Variants in ZBTB20 observed in about 807,000 individuals in gnomAD.
ZBTB20 encodes the protein zinc finger and BTB domain-containing protein 20.
Under a neutral mutation model 56.9 loss-of-function variants are expected in ZBTB20, and 9 were observed. The observed-to-expected ratio is 0.16, with a 90% CI of 0.10 to 0.28. ZBTB20 has a LOEUF of 0.28. Ranked by LOEUF, ZBTB20 falls within the 10% of genes least tolerant of loss-of-function variation. ZBTB20 has a pLI of 1.00. For missense variants in ZBTB20, 655 were observed against 1,003.0 expected, an observed-to-expected ratio of 0.65 and a Z score of 4.69; for synonymous variants, 417 against 420.7, an observed-to-expected ratio of 0.99 and a Z score of 0.11.
chr3:114,655,542 G>A (rs1314700015), intron 6 of ZBTB20, among the ~76,000 whole-genome samples: 1 of 152,102 alleles, frequency 6.6e-6, no homozygotes. Flanking sequence ...GTGAGCCACC[G>A]CGCCCGGCCT....
intron 2 of ZBTB20, among the ~76,000 whole-genome samples, chr3:115,009,859 C>T (rs2079624985): frequency 6.6e-6 from 1 of 151,934 alleles, no homozygotes; most frequent in African/African-American, 2.4e-5. Context: ...TAGGGCTTCA[C>T]AGCCTCGAGA....
intron 5 of ZBTB20, among the ~76,000 whole-genome samples, chr3:114,723,652 T>C (rs1351876618): frequency 1.3e-5 from 2 of 152,154 alleles, no homozygotes; most frequent in African/African-American, 4.8e-5. Context: ...ATTTTATATA[T>C]TCTTGAACTC....
At chr3:114,499,678 C>T (rs1045562502) in intron 7 of ZBTB20, among the ~76,000 whole-genome samples, 7 of 152,044 alleles carry the variant, frequency 4.6e-5, no homozygotes. Flanking sequence ...TTCAGTGCAG[C>T]CTGGTTTGAA....
chr3:114,618,208 A>ACAGAG (rs1193527652), intron 6 of ZBTB20, among the ~76,000 whole-genome samples: 2 of 149,854 alleles, frequency 1.3e-5, no homozygotes, highest in Non-Finnish European at 3.0e-5. Flanking sequence ...AATAACTGAC[A>ACAGAG]CAGAGTAGGG....
At chr3:114,881,537 T>C (rs996720722) in intron 4 of ZBTB20, among the ~76,000 whole-genome samples, 1 of 152,108 alleles carries the variant, frequency 6.6e-6, no homozygotes, top group Admixed American at 6.5e-5. Context: ...TATTCTATGA[T>C]GGTTTCACTG....
chr3:115,108,831 T>A (rs1372673067), intron 1 of ZBTB20, among the ~76,000 whole-genome samples: 1 of 152,062 alleles, frequency 6.6e-6, no homozygotes, highest in Non-Finnish European at 1.5e-5. Context: ...GAATGACTCA[T>A]ATCTATATAT....
intron 2 of ZBTB20, among the ~76,000 whole-genome samples, chr3:115,048,482 A>G (rs1296254447): frequency 6.6e-6 from 1 of 152,170 alleles, no homozygotes; most frequent in African/African-American, 2.4e-5. Flanking sequence ...TATAATTTAT[A>G]CTGATAAATC....
intron 4 of ZBTB20, among the ~76,000 whole-genome samples, chr3:114,856,915 T>C (rs2075279499): frequency 6.6e-6 from 1 of 152,164 alleles, no homozygotes; most frequent in South Asian, 2.1e-4. Flanking sequence ...GTAGATTTAA[T>C]AGAAGAGGAG....
intron 3 of ZBTB20, among the ~76,000 whole-genome samples, chr3:114,940,824 A>G (rs2076698417): frequency 6.9e-6 from 1 of 145,962 alleles, no homozygotes; most frequent in Admixed American, 6.6e-5. Flanking sequence ...AAAGGAGCCT[A>G]TTGCTCCTCT....
chr3:114,803,812 C>T (rs980648898), intron 4 of ZBTB20, among the ~76,000 whole-genome samples: 19 of 129,770 alleles, frequency 1.5e-4, no homozygotes, highest in African/African-American at 4.9e-4. Context: ...AAATTCACTA[C>T]TGTACACTGA....
intron 5 of ZBTB20, among the ~76,000 whole-genome samples, chr3:114,787,360 T>TAC (rs1354282995): frequency 7.3e-5 from 7 of 96,184 alleles, no homozygotes; most frequent in East Asian, 2.4e-4. Context: ...TATATATATA[T>TAC]ATATATATAC....
intron 7 of ZBTB20, among the ~76,000 whole-genome samples, chr3:114,454,175 G>GA (rs2091839032): frequency 8.6e-6 from 1 of 116,676 alleles, no homozygotes; most frequent in Non-Finnish European, 1.6e-5. Context: ...AAAAGAGAAG[G>GA]GAGAGAGAGA....
intron 11 of ZBTB20, among the ~76,000 whole-genome samples, chr3:114,345,386 G>C (rs2080108553): frequency 6.6e-6 from 1 of 152,132 alleles, no homozygotes. Context: ...CTAAATACCA[G>C]AAGGGATACA....
At chr3:114,814,615 ATTAAC>A (rs1219446444) in intron 4 of ZBTB20, among the ~76,000 whole-genome samples, 1 of 152,360 alleles carries the variant, frequency 6.6e-6, no homozygotes, top group Admixed American at 6.5e-5. Flanking sequence ...AGAGCTCAGT[ATTAAC>A]TTAAAGCTTA....
At chr3:114,720,214 AAAGTAC>A (rs1425805165) in intron 5 of ZBTB20, among the ~76,000 whole-genome samples, 1 of 149,490 alleles carries the variant, frequency 6.7e-6, no homozygotes, top group African/African-American at 2.4e-5. Flanking sequence ...GCTTATTGGA[AAAGTAC>A]AAGTACAAGG....
intron 1 of ZBTB20, among the ~76,000 whole-genome samples, chr3:115,112,275 A>G (rs1471157923): frequency 6.6e-6 from 1 of 152,100 alleles, no homozygotes; most frequent in African/African-American, 2.4e-5. Flanking sequence ...TATTTAGGTT[A>G]TCCATCACCC....
chr3:114,380,844 G>A lies in ZBTB20; in HGVS notation c.-57C>T, dbSNP rs2084244396. On this transcript the variant is annotated 5_prime_UTR_variant, in exon 9 of 12. Transcript: ENST00000675478. ...AGTAATGGGAGGAGCACTGGACTGG[G>A]AGTCAGGAGACTTGAGCTACCGTAC... is the stretch of plus-strand genomic sequence containing the variant. 2 of 1,436,994 alleles carry A rather than the reference G, an allele frequency of 1.4e-6. No individual in the cohort carries two copies. Among genetic ancestry groups the A allele is most frequent in the Non-Finnish European group, 9.1e-7 (1 of 1,099,876 alleles). 89.0% of individuals were successfully genotyped at this position (1,436,994 alleles called of 1,614,324 possible). A position where few individuals can be genotyped will look rare whatever the true frequency, so the allele number is the denominator to read the frequency against.
chr3:114,409,699 G>GT (rs1559752187), intron 7 of ZBTB20, among the ~76,000 whole-genome samples: 1 of 152,030 alleles, frequency 6.6e-6, no homozygotes, highest in Non-Finnish European at 1.5e-5. Flanking sequence ...TCAAAGCTAT[G>GT]TTTTTTAAAA....
chr3:115,116,854 A>T (rs933581410), intron 1 of ZBTB20, among the ~76,000 whole-genome samples: 1 of 152,078 alleles, frequency 6.6e-6, no homozygotes, highest in African/African-American at 2.4e-5. Flanking sequence ...CAAGGCTCCT[A>T]ATCATGCTGT....
Sources: gnomAD v4.1 joint callset for allele counts (sites outside exome capture counted in the v4.1 genomes callset) on GRCh38, gnomAD v4.1.1 for gene constraint, MANE v1.5 for transcripts, NCBI Gene and HGNC (gene_info 2026-07-23, HGNC 2026-07-21) for gene names.